ADGRL3: variants seen among roughly 807,000 people sequenced by gnomAD.
ADGRL3 encodes calcium-independent alpha-latrotoxin receptor 3.
In ADGRL3, 62 loss-of-function variants were observed where a neutral mutation model predicts 153.5. The ratio of observed to expected loss-of-function variants is 0.40; its 90% CI spans 0.33 to 0.50. The LOEUF is 0.50. Among genes scored for constraint, ADGRL3 ranks in the 20% least tolerant of loss-of-function variants. The pLI, the probability that ADGRL3 is intolerant of heterozygous loss-of-function variation, is 0.47. For missense variants in ADGRL3, 1,641 were observed against 1,859.4 expected (o/e 0.88, Z 2.16); for synonymous variants, 710 against 672.5 (o/e 1.06, Z -0.86).
intron 2 of ADGRL3, among the ~76,000 whole-genome samples, chr4:61,429,064 G>A (rs2097323777): frequency 6.6e-6 from 1 of 152,002 alleles, no homozygotes; most frequent in African/African-American, 2.4e-5. Flanking sequence ...TACAAACCCA[G>A]GTATAATTTT....
chr4:61,892,091 G>A (rs1209800998), intron 9 of ADGRL3, among the ~76,000 whole-genome samples: 1 of 151,910 alleles, frequency 6.6e-6, no homozygotes, highest in African/African-American at 2.4e-5. Context: ...CAATAAAGTA[G>A]ATCACTAAGC....
chr4:61,653,359 C>T (rs995875612), intron 5 of ADGRL3, among the ~76,000 whole-genome samples: 1 of 152,126 alleles, frequency 6.6e-6, no homozygotes, highest in South Asian at 2.1e-4. Context: ...TCCCTGTCTG[C>T]GGCATTTTGT....
chr4:61,659,379 C>T lies in ADGRL3; in HGVS notation c.474-17447C>T, dbSNP rs554041764. Reference sequence around the variant, plus strand: ...CACTAAACCTATCATACACTGATAACCTGTCCAGATGCCTGTCCCCTCTAA... The same window carrying T: ...CACTAAACCTATCATACACTGATAATCTGTCCAGATGCCTGTCCCCTCTAA... On this transcript the variant is annotated intron_variant, in intron 5 of 26. Transcript: ENST00000683033. Among the ~76,000 whole-genome samples, 18 of 152,288 alleles carry T rather than the reference C, an allele frequency of 1.2e-4. No homozygotes were observed. The South Asian group carries it at 2.7e-3, about 23-fold the overall frequency.
rs189082305 is a variant in ADGRL3, at chr4:61,515,349, A to C, written c.56-1966A>C. Among the ~76,000 whole-genome samples the C allele has an allele frequency of 4.6e-5, 7 of 152,326 alleles. No individual in the cohort carries two copies. The East Asian group carries it at 7.7e-4, about 17-fold the overall frequency. Reference sequence around the variant, plus strand: ...AAATCCCAATTTATATTTTGTCTCCATATCCAAATATTTCACAAAAACCCA... The same window carrying C: ...AAATCCCAATTTATATTTTGTCTCCCTATCCAAATATTTCACAAAAACCCA... On this transcript the variant is annotated intron_variant, in intron 3 of 26. Coordinates refer to ENST00000683033, the MANE Select transcript of ADGRL3 (RefSeq NM_001387552.1).
chr4:61,724,424 G>A (rs909709663), intron 6 of ADGRL3, among the ~76,000 whole-genome samples: 4 of 152,160 alleles, frequency 2.6e-5, no homozygotes, highest in Non-Finnish European at 4.4e-5. Context: ...CCCAGTTTCT[G>A]TAGCATCTAT....
chr4:61,368,600 G>T lies in ADGRL3; in HGVS notation c.-239-14524G>T, dbSNP rs568178909. On this transcript the variant is annotated intron_variant, in intron 1 of 26. Transcript: ENST00000683033. ...TCCATTGATCTATATCTCTGTTTTG[G>T]TACCAGTACCATGCTGTTTTGGTTA... 4.3e-3 allele frequency among the ~76,000 whole-genome samples: 650 copies of T among 151,682 alleles called. 5 individuals are homozygous for T. Among genetic ancestry groups the T allele is most frequent in the African/African-American group, 0.015 (628 of 41,382 alleles).
intron 6 of ADGRL3, among the ~76,000 whole-genome samples, chr4:61,719,904 C>G (rs917395020): frequency 6.6e-6 from 1 of 152,110 alleles, no homozygotes; most frequent in East Asian, 1.9e-4. Flanking sequence ...CTCCCGCCCC[C>G]TGTCAGACAT....
chr4:61,699,406 G>T (rs1440389277), intron 6 of ADGRL3, among the ~76,000 whole-genome samples: 1 of 151,986 alleles, frequency 6.6e-6, no homozygotes, highest in Admixed American at 6.6e-5. Context: ...GCTGCTGTAT[G>T]CCCAGCACTG....
chr4:61,315,568 G>A (rs2095177634), intron 1 of ADGRL3, among the ~76,000 whole-genome samples: 1 of 152,166 alleles, frequency 6.6e-6, no homozygotes, highest in African/African-American at 2.4e-5. Flanking sequence ...TGGAGAAGGA[G>A]GGGCTGGAAA....
chr4:61,708,484 GT>G (rs10706547), intron 6 of ADGRL3, among the ~76,000 whole-genome samples: 106,244 of 150,204 alleles, frequency 0.71, 38,441 homozygotes, highest in East Asian at 0.93. Flanking sequence ...TACAGTCTTT[GT>G]TTTTTTTTTA....
At chr4:61,559,756 G>A (rs1259295193) in intron 4 of ADGRL3, among the ~76,000 whole-genome samples, 1 of 151,984 alleles carries the variant, frequency 6.6e-6, no homozygotes, top group Non-Finnish European at 1.5e-5. Context: ...GTCCATACTA[G>A]TAAATATAAT....
intron 4 of ADGRL3, among the ~76,000 whole-genome samples, chr4:61,577,770 GC>G (rs1227570617): frequency 6.6e-6 from 1 of 151,034 alleles, no homozygotes; most frequent in Non-Finnish European, 1.5e-5. Flanking sequence ...ATATGATCAT[GC>G]CACTGCCCTT....
chr4:61,691,801 A>T (rs1461669167), intron 6 of ADGRL3, among the ~76,000 whole-genome samples: 3 of 152,186 alleles, frequency 2.0e-5, no homozygotes, highest in Non-Finnish European at 4.4e-5. Flanking sequence ...TAAAATTATG[A>T]CATTGACTAG....
At chr4:61,318,231 A>T (rs2095275538) in intron 1 of ADGRL3, among the ~76,000 whole-genome samples, 1 of 150,562 alleles carries the variant, frequency 6.6e-6, no homozygotes, top group Admixed American at 6.6e-5. Context: ...ACACACACAC[A>T]CACACACACA....
At chr4:61,599,333 G>T (rs918241178) in intron 5 of ADGRL3, among the ~76,000 whole-genome samples, 1 of 152,090 alleles carries the variant, frequency 6.6e-6, no homozygotes. Flanking sequence ...AACAAGGTAG[G>T]TCAGATAATT....
At chr4:61,892,576 C>T (rs762976049) in intron 9 of ADGRL3, 80 bp from the exon 10 acceptor site, 23 of 1,018,064 alleles carry the variant, frequency 2.3e-5, no homozygotes, top group Non-Finnish European at 3.2e-5. Flanking sequence ...CAAATAAAAA[C>T]AATTTCTAAA....
At chr4:61,212,164 A>G (rs542784024) in intron 1 of ADGRL3, 1 of 152,238 alleles carries the variant, frequency 6.6e-6, no homozygotes, top group African/African-American at 2.4e-5. Flanking sequence ...AAGTTATGCC[A>G]GAAGAAACTG....
intron 17 of ADGRL3, among the ~76,000 whole-genome samples, chr4:61,972,218 A>G (rs1181284718): frequency 6.6e-6 from 1 of 152,152 alleles, no homozygotes; most frequent in Non-Finnish European, 1.5e-5. Flanking sequence ...TGTTTTAGAC[A>G]TGAAGTCCTT....
intron 9 of ADGRL3, among the ~76,000 whole-genome samples, chr4:61,820,015 G>A (rs1000693590): frequency 1.3e-5 from 2 of 151,468 alleles, no homozygotes; most frequent in South Asian, 4.2e-4. Flanking sequence ...TGATTTATTC[G>A]ACTTTCACTT....
Sources: gnomAD v4.1 joint callset for allele counts (sites outside exome capture counted in the v4.1 genomes callset) on GRCh38, gnomAD v4.1.1 for gene constraint, MANE v1.5 for transcripts, NCBI Gene and HGNC (gene_info 2026-07-23, HGNC 2026-07-21) for gene names.